Variants in SHB observed in about 807,000 individuals in gnomAD.
SHB encodes the protein SH2 domain-containing adapter protein B.
SHB carries 20 observed loss-of-function variants against 52.3 expected under a neutral mutation model. The ratio of observed to expected loss-of-function variants is 0.38; its 90% CI spans 0.27 to 0.56. SHB has a LOEUF of 0.56. Among genes scored for constraint, SHB ranks in the 20% least tolerant of loss-of-function variants. The probability of loss-of-function intolerance (pLI) is 0.71; values close to 1 mark genes in which losing one functional copy is unlikely to be tolerated. For missense variants in SHB, 825 were observed against 723.3 expected (o/e 1.14, Z -1.61); for synonymous variants, 397 against 316.5 (o/e 1.25, Z -2.70).
At chr9:37,923,806 G>T (rs1183577284) in intron 5 of SHB, among the ~76,000 whole-genome samples, 1 of 152,206 alleles carries the variant, frequency 6.6e-6, no homozygotes, top group Admixed American at 6.5e-5. Context: ...GGGTACCGTG[G>T]AGGAAACTGA....
At chr9:38,001,375 T>A (rs1189132807) in intron 2 of SHB, among the ~76,000 whole-genome samples, 1 of 152,194 alleles carries the variant, frequency 6.6e-6, no homozygotes, top group Non-Finnish European at 1.5e-5. Context: ...AAAGGCACCA[T>A]CGTGTAATTA....
intron 1 of SHB, among the ~76,000 whole-genome samples, chr9:38,028,719 C>A (rs149415013): frequency 3.3e-5 from 5 of 152,360 alleles, no homozygotes; most frequent in Non-Finnish European, 7.3e-5. Flanking sequence ...AAACAAAATC[C>A]TTTCTGGCAT....
At chr9:37,996,999 G>A (rs558313033) in intron 2 of SHB, among the ~76,000 whole-genome samples, 2 of 152,318 alleles carry the variant, frequency 1.3e-5, no homozygotes, top group African/African-American at 4.8e-5. Context: ...GGATTTCAAT[G>A]AGCTCAATAG....
At position 37,919,699 on chromosome 9, in the gene SHB, G is replaced by A. The variant is rs17847958; in HGVS notation, c.*122C>T. On this transcript the variant is annotated 3_prime_UTR_variant, in exon 6 of 6. Transcript: ENST00000377707. ...GCATTCTAGAGACATGCAGTGGTGT[G>A]CTAGTACCATACACACAACACAAAC... 376 of 737,706 alleles carry A rather than the reference G, an allele frequency of 5.1e-4. 5 individuals are homozygous for A. In the East Asian group the frequency reaches 7.5e-3, roughly 15 times the overall value. 45.7% of individuals were successfully genotyped at this position (737,706 alleles called of 1,614,324 possible). A position where few individuals can be genotyped will look rare whatever the true frequency, so the allele number is the denominator to read the frequency against.
chr9:38,037,700 C>T (rs573993868), intron 1 of SHB, among the ~76,000 whole-genome samples: 6 of 152,318 alleles, frequency 3.9e-5, no homozygotes, highest in South Asian at 2.1e-4. Context: ...ACCCCACCTC[C>T]GCTAGAAGTG....
chr9:38,015,909 A>G, intron 2 of SHB, 102 bp downstream of exon 2: 1 of 1,155,062 alleles, frequency 8.7e-7, no homozygotes, highest in Non-Finnish European at 1.3e-6. Context: ...AGCACACACC[A>G]TGCCCCCAGT....
intron 5 of SHB, among the ~76,000 whole-genome samples, chr9:37,938,746 G>A (rs564109385): frequency 3.9e-5 from 6 of 152,370 alleles, no homozygotes; most frequent in South Asian, 2.1e-4. Flanking sequence ...TGGCTCAGAC[G>A]GGAGACGCAG....
intron 5 of SHB, among the ~76,000 whole-genome samples, chr9:37,940,348 T>C (rs1832420831): frequency 6.6e-6 from 1 of 152,256 alleles, no homozygotes; most frequent in Non-Finnish European, 1.5e-5. Flanking sequence ...TGCACTCTCT[T>C]ATCCTGCAAG....
chr9:38,015,514 C>T (rs1227063268), intron 2 of SHB: 2 of 699,394 alleles, frequency 2.9e-6, no homozygotes, highest in Non-Finnish European at 5.2e-6. Flanking sequence ...TATGCTGCTT[C>T]CAGCTCCAAA....
chr9:37,974,723 G>T lies in SHB; in HGVS notation c.953C>A (p.Pro318His). 1 of 1,614,068 alleles carries T rather than the reference G, an allele frequency of 6.2e-7. No homozygotes were observed. Among genetic ancestry groups the T allele is most frequent in the African/African-American group, 1.3e-5 (1 of 75,018 alleles). ...VDSDSESTVS[P>H]RLRESKLPQD... The stretch of plus-strand genomic sequence containing the variant: ...GGGCAGCTTGCTCTCCCGCAGTCGG[G>T]GGCTGACTGTGCTCTCCGAGTCTGA... The change falls in exon 3 of 6, where the codon CCC becomes CAC. Residue 318 changes from proline to histidine, a missense_variant. Transcript: ENST00000377707.
At position 37,916,564 on chromosome 9, in the gene SHB, T is replaced by G. The variant is rs1211127229; in HGVS notation, c.*3257A>C. ...TGCGGGTAGCTGCTTCAGGTTTCCC[T>G]CCTGCTCACTCTCAGGCCACAGAGG... On this transcript the variant is annotated 3_prime_UTR_variant, in exon 6 of 6. Coordinates refer to ENST00000377707, the MANE Select transcript of SHB (RefSeq NM_003028.3). Among the ~76,000 whole-genome samples, 1 of 152,232 alleles carries G rather than the reference T, an allele frequency of 6.6e-6. No individual in the cohort carries two copies. Among genetic ancestry groups the G allele is most frequent in the Non-Finnish European group, 1.5e-5 (1 of 68,034 alleles).
chr9:38,007,364 T>TCC (rs1564100269), intron 2 of SHB, among the ~76,000 whole-genome samples: 1 of 152,178 alleles, frequency 6.6e-6, no homozygotes, highest in African/African-American at 2.4e-5. Context: ...TGAGGACCAG[T>TCC]CCCTTCCTTC....
intron 3 of SHB, among the ~76,000 whole-genome samples, chr9:37,958,857 CA>C (rs894396709): frequency 3.3e-5 from 5 of 152,224 alleles, no homozygotes; most frequent in East Asian, 1.9e-4. Flanking sequence ...TGGTCTTGGA[CA>C]GGGGGTTGGG....
At chr9:37,948,904 T>C in intron 4 of SHB, 150 bp from the exon 5 acceptor site, 1 of 981,672 alleles carries the variant, frequency 1.0e-6, no homozygotes, top group Non-Finnish European at 1.5e-6. Flanking sequence ...GCCCGCCTGC[T>C]GCTGCCGGGT....
At chr9:37,947,178 C>T (rs574103988) in intron 5 of SHB, among the ~76,000 whole-genome samples, 1 of 152,216 alleles carries the variant, frequency 6.6e-6, no homozygotes, top group Non-Finnish European at 1.5e-5. Context: ...TATGCAGGCA[C>T]CAGCAGCCTA....
intron 5 of SHB, among the ~76,000 whole-genome samples, chr9:37,927,006 G>C (rs780760753): frequency 6.6e-6 from 1 of 152,248 alleles, no homozygotes; most frequent in Non-Finnish European, 1.5e-5. Flanking sequence ...TCCCAAGGAA[G>C]CTGGGAGGGC....
chr9:37,978,116 T>C (rs1233833866), intron 2 of SHB, among the ~76,000 whole-genome samples: 1 of 152,236 alleles, frequency 6.6e-6, no homozygotes, highest in African/African-American at 2.4e-5. Context: ...ATAAAGGATC[T>C]GGGACAATAT....
At chr9:38,056,493 A>G (rs917489095) in intron 1 of SHB, among the ~76,000 whole-genome samples, 5 of 152,104 alleles carry the variant, frequency 3.3e-5, no homozygotes, top group Admixed American at 1.3e-4. Context: ...CACCACACAC[A>G]GGTAATTTTC....
chr9:37,959,390 G>T (rs1233030117), intron 3 of SHB, among the ~76,000 whole-genome samples: 1 of 152,140 alleles, frequency 6.6e-6, no homozygotes, highest in African/African-American at 2.4e-5. Flanking sequence ...CTGGCCCATA[G>T]GGCTGCCAGC....
Sources: gnomAD v4.1 joint callset for allele counts (sites outside exome capture counted in the v4.1 genomes callset) on GRCh38, gnomAD v4.1.1 for gene constraint, MANE v1.5 for transcripts, NCBI Gene and HGNC (gene_info 2026-07-23, HGNC 2026-07-21) for gene names.